The following PRKCH variants were observed in gnomAD, a reference collection of about 807,000 sequenced individuals.
PRKCH encodes protein kinase C eta.
Under a neutral mutation model 82.5 loss-of-function variants are expected in PRKCH, and 28 were observed. The ratio of observed to expected loss-of-function variants is 0.34; its 90% CI spans 0.25 to 0.47. The LOEUF is 0.47. Ranked by LOEUF, PRKCH falls within the 20% of genes least tolerant of loss-of-function variation. The pLI is 1.00. For synonymous variants in PRKCH, 322 were observed against 327.4 expected, an observed-to-expected ratio of 0.98 and a Z score of 0.18; for missense variants, 705 against 881.8, an observed-to-expected ratio of 0.80 and a Z score of 2.54.
intron 1 of PRKCH, among the ~76,000 whole-genome samples, chr14:61,289,965 CT>C (rs1420675320): frequency 2.0e-5 from 3 of 152,078 alleles, no homozygotes; most frequent in African/African-American, 4.8e-5. Context: ...AAGCCATTAG[CT>C]CAGAAGAACT....
chr14:61,297,912 A>G (rs1051136034), intron 1 of PRKCH, among the ~76,000 whole-genome samples: 1 of 152,208 alleles, frequency 6.6e-6, no homozygotes, highest in African/African-American at 2.4e-5. Context: ...ACAAATTACA[A>G]ATCATCTGAG....
At chr14:61,218,823 C>G (rs1388497134) in intron 1 of PRKCH, among the ~76,000 whole-genome samples, 1 of 152,186 alleles carries the variant, frequency 6.6e-6, no homozygotes, top group African/African-American at 2.4e-5. Flanking sequence ...CTTCACCCCC[C>G]ACCTAACTGA....
At chr14:61,522,955 A>G (rs1399232438) in intron 10 of PRKCH, among the ~76,000 whole-genome samples, 3 of 152,254 alleles carry the variant, frequency 2.0e-5, no homozygotes, top group African/African-American at 4.8e-5. Flanking sequence ...TGACTTTTCA[A>G]AAGTCTTTTG....
intron 1 of PRKCH, among the ~76,000 whole-genome samples, chr14:61,330,992 G>T (rs1039073267): frequency 3.2e-4 from 49 of 152,192 alleles, no homozygotes; most frequent in Middle Eastern, 3.4e-3. Flanking sequence ...AATGTTTTAA[G>T]AAAGTTTACG....
intron 12 of PRKCH, among the ~76,000 whole-genome samples, chr14:61,537,284 A>G (rs369318644): frequency 6.6e-6 from 1 of 152,214 alleles, no homozygotes; most frequent in African/African-American, 2.4e-5. Flanking sequence ...TAACACAAAA[A>G]AGGCATATGA....
At chr14:61,416,094 A>C (rs1382373849) in intron 2 of PRKCH, among the ~76,000 whole-genome samples, 2 of 111,042 alleles carry the variant, frequency 1.8e-5, no homozygotes, top group African/African-American at 7.0e-5. Context: ...TGTCACTGTC[A>C]CCCTGGTTGG....
chr14:61,529,593 A>G (rs1176288802), intron 11 of PRKCH, among the ~76,000 whole-genome samples: 1 of 151,712 alleles, frequency 6.6e-6, no homozygotes, highest in East Asian at 1.9e-4. Context: ...TGGTGAGTTC[A>G]TGTCCTTTGT....
intron 1 of PRKCH, among the ~76,000 whole-genome samples, chr14:61,328,985 CAAA>C (rs112999304): frequency 1.7e-5 from 2 of 117,254 alleles, no homozygotes; most frequent in African/African-American, 6.3e-5. Context: ...AACCCTGTCT[CAAA>C]AAAAAAAAAA....
At chr14:61,530,109 C>CT (rs999546779) in intron 11 of PRKCH, among the ~76,000 whole-genome samples, 8 of 151,892 alleles carry the variant, frequency 5.3e-5, no homozygotes, top group African/African-American at 1.7e-4. Context: ...ACCCAGTCCC[C>CT]TTTTTTTTCC....
At chr14:61,232,013 C>T (rs2044748760) in intron 1 of PRKCH, among the ~76,000 whole-genome samples, 1 of 152,176 alleles carries the variant, frequency 6.6e-6, no homozygotes, top group Non-Finnish European at 1.5e-5. Flanking sequence ...CGTCAGATCC[C>T]ACAAGTTGAG....
chr14:61,522,280 C>CTCCTCATG (rs1255193129), intron 10 of PRKCH, among the ~76,000 whole-genome samples: 6 of 152,130 alleles, frequency 3.9e-5, no homozygotes, highest in African/African-American at 1.4e-4. Flanking sequence ...CCCAAATGAT[C>CTCCTCATG]TCCTCATGTT....
chr14:61,221,693 T>C (rs753474407), intron 1 of PRKCH, among the ~76,000 whole-genome samples: 1 of 152,114 alleles, frequency 6.6e-6, no homozygotes, highest in Non-Finnish European at 1.5e-5. Context: ...GTGGCCTTCA[T>C]AGCAGCTTCT....
chr14:61,413,609 G>A (rs770536569), intron 2 of PRKCH, among the ~76,000 whole-genome samples: 2 of 151,956 alleles, frequency 1.3e-5, no homozygotes, highest in East Asian at 3.9e-4. Flanking sequence ...GCTTCCTCAC[G>A]AACTTTGCTT....
chr14:61,188,704 A>AGTGTGTGTGT (rs754540967), intron 1 of PRKCH, among the ~76,000 whole-genome samples: 2,439 of 86,152 alleles, frequency 0.028, 241 homozygotes, highest in Admixed American at 0.062. Context: ...ACGTTGCTGT[A>AGTGTGTGTGT]GTGTGTGTGT....
chr14:61,369,494 T>C (rs771348911), intron 1 of PRKCH, among the ~76,000 whole-genome samples: 2 of 152,148 alleles, frequency 1.3e-5, no homozygotes, highest in Non-Finnish European at 2.9e-5. Flanking sequence ...AGATTCAAAT[T>C]TGTAGCTCAA....
At chr14:61,527,632 A>T (rs111893175) in intron 10 of PRKCH, among the ~76,000 whole-genome samples, 2 of 152,152 alleles carry the variant, frequency 1.3e-5, no homozygotes, top group African/African-American at 4.8e-5. Flanking sequence ...GGGAGCATCA[A>T]TGAGTTCCTT....
intron 1 of PRKCH, among the ~76,000 whole-genome samples, chr14:61,345,353 T>A (rs1040886634): frequency 2.0e-5 from 3 of 152,240 alleles, no homozygotes; most frequent in African/African-American, 7.2e-5. Context: ...TACGTTGTTA[T>A]GCAGCAATAG....
chr14:61,482,537 A>G (rs1337800742), intron 9 of PRKCH, among the ~76,000 whole-genome samples: 2 of 152,208 alleles, frequency 1.3e-5, no homozygotes, highest in African/African-American at 4.8e-5. Flanking sequence ...AGGATGGACC[A>G]GTACTCTGCA....
chr14:61,194,495 T>C (rs181402716), intron 1 of PRKCH, among the ~76,000 whole-genome samples: 1 of 152,308 alleles, frequency 6.6e-6, no homozygotes, highest in Non-Finnish European at 1.5e-5. Context: ...GTATCATCTA[T>C]AAGCCAGAAA....
Sources: allele counts gnomAD v4.1 joint callset (sites outside exome capture counted in the v4.1 genomes callset), GRCh38; gene constraint gnomAD v4.1.1; transcripts MANE v1.5; gene names NCBI Gene and HGNC (gene_info 2026-07-23, HGNC 2026-07-21).